The following MSR1 variants were observed in gnomAD, a reference collection of about 807,000 sequenced individuals.
MSR1 encodes macrophage scavenger receptor types I and II.
MSR1 carries 53 observed loss-of-function variants against 47.2 expected under a neutral mutation model. That is an observed-to-expected ratio of 1.12 (90% CI 0.90 to 1.41). MSR1 has a LOEUF of 1.41. MSR1 is among the 40% of genes most tolerant of loss of function. MSR1 has a pLI of 0.00. For missense variants in MSR1, 786 were observed against 546.9 expected (o/e 1.44, Z -4.36); for synonymous variants, 239 against 185.6 (o/e 1.29, Z -2.34).
chr8:16,153,316 C>G (rs1006650473), intron 6 of MSR1, among the ~76,000 whole-genome samples: 1 of 151,966 alleles, frequency 6.6e-6, no homozygotes, highest in African/African-American at 2.4e-5. Context: ...CAGAATGCAG[C>G]AAGACATCCA....
Position 16,110,151 on chromosome 8 carries a change from T to C in MSR1, c.1290A>G (p.Lys430=). 6.2e-7 allele frequency: 1 copy of C among 1,613,682 alleles called. No homozygotes were observed. The highest frequency in any genetic ancestry group is 8.5e-7 in the Non-Finnish European group (1 of 1,179,722). ...AGGCTCTTGTCCCCCATTGCCGAAT[T>C]TTACATTCTTCAATAGATGATTCTC... ...FGRESSIEEC[K]IRQWGTRACS... The change falls in exon 10 of 10, where the codon AAA becomes AAG. Residue 430 remains lysine, a synonymous_variant. Coordinates refer to ENST00000262101, the MANE Select transcript of MSR1 (RefSeq NM_138715.3).
intron 8 of MSR1, among the ~76,000 whole-genome samples, chr8:16,131,447 T>TG (rs963762944): frequency 6.8e-6 from 1 of 146,682 alleles, no homozygotes; most frequent in African/African-American, 2.5e-5. Flanking sequence ...GATAGTTTTT[T>TG]TTTTTTTTTT....
intron 8 of MSR1, 103 bp downstream of exon 8, chr8:16,143,455 T>C: frequency 1.1e-6 from 1 of 935,728 alleles, no homozygotes; most frequent in African/African-American, 1.6e-5. Context: ...TCTGTATGGA[T>C]CTGTGCTGAA....
intron 8 of MSR1, among the ~76,000 whole-genome samples, chr8:16,128,694 C>T (rs1019535206): frequency 3.3e-5 from 5 of 152,092 alleles, no homozygotes; most frequent in African/African-American, 1.2e-4. Flanking sequence ...CTTAAAAATA[C>T]AAGCTGCTTC....
intron 8 of MSR1, chr8:16,121,205 T>C: frequency 2.5e-6 from 1 of 407,838 alleles, no homozygotes; most frequent in African/African-American, 2.1e-5. Context: ...TTTGTGTTTT[T>C]CCTCTTTAGA....
At chr8:16,124,992 G>A (rs1800096531) in intron 8 of MSR1, among the ~76,000 whole-genome samples, 1 of 152,138 alleles carries the variant, frequency 6.6e-6, no homozygotes, top group African/African-American at 2.4e-5. Flanking sequence ...GAAAAATCAT[G>A]AAGGAAAGAT....
intron 3 of MSR1, among the ~76,000 whole-genome samples, chr8:16,174,341 T>G (rs1298287870): frequency 1.3e-5 from 2 of 152,116 alleles, no homozygotes; most frequent in African/African-American, 4.8e-5. Context: ...GGGCAGACAT[T>G]TTATCAGTCA....
At chr8:16,136,162 C>A (rs1800385586) in intron 8 of MSR1, among the ~76,000 whole-genome samples, 1 of 152,100 alleles carries the variant, frequency 6.6e-6, no homozygotes, top group Admixed American at 6.6e-5. Flanking sequence ...TGGGTCAATG[C>A]TATCAAATAG....
At chr8:16,141,980 C>A (rs112772509) in intron 8 of MSR1, among the ~76,000 whole-genome samples, 176 of 152,116 alleles carry the variant, frequency 1.2e-3, no homozygotes, top group African/African-American at 3.3e-3. Context: ...AAGAGGAACT[C>A]AGCTGAAAGT....
At chr8:16,177,395 G>C (rs1044508339) in intron 2 of MSR1, among the ~76,000 whole-genome samples, 10 of 152,016 alleles carry the variant, frequency 6.6e-5, no homozygotes, top group African/African-American at 2.4e-4. Flanking sequence ...GGAACACTAA[G>C]GACTGCCAGT....
chr8:16,175,126 C>T (rs1273681623), intron 3 of MSR1, 61 bp downstream of exon 3: 1 of 1,355,800 alleles, frequency 7.4e-7, no homozygotes, highest in Admixed American at 1.7e-5. Context: ...TTCTTTTTTG[C>T]TTTGGCAATG....
intron 5 of MSR1, among the ~76,000 whole-genome samples, chr8:16,157,253 T>C (rs776319727): frequency 1.3e-5 from 2 of 151,920 alleles, no homozygotes; most frequent in African/African-American, 4.8e-5. Flanking sequence ...AAGTAAGAGA[T>C]GGAAGGAACT....
In MSR1 at chr8:16,143,553, C is replaced by G. The variant is rs767998858; in HGVS notation, c.1033+5G>C. 1 of 1,610,810 alleles carries G rather than the reference C, an allele frequency of 6.2e-7. No homozygotes were observed. The highest frequency in any genetic ancestry group is 1.7e-4 in the Middle Eastern group (1 of 6,044). On this transcript the variant is annotated splice_donor_5th_base_variant and intron_variant, in intron 8 of 9. Transcript: ENST00000262101. Reference sequence around the variant, plus strand: ...CACACAGAAAACAAAATACTATATACTTACTTAATGTGTTTCCACTCCCCT... The same window carrying G: ...CACACAGAAAACAAAATACTATATAGTTACTTAATGTGTTTCCACTCCCCT...
At chr8:16,148,737 G>A (rs925162921) in intron 7 of MSR1, among the ~76,000 whole-genome samples, 1 of 152,112 alleles carries the variant, frequency 6.6e-6, no homozygotes, top group Non-Finnish European at 1.5e-5. Context: ...TACGATTACA[G>A]GTGTGAGCCA....
In MSR1 at chr8:16,164,057, C is replaced by A. The variant is rs777018065; in HGVS notation, c.817+8G>T. The A allele has an allele frequency of 4.4e-6, 7 of 1,598,944 alleles. No homozygotes were observed. The South Asian group carries it at 7.8e-5, about 18-fold the overall frequency. ...ATCATTTTCTGGAGAAATGACAAGA[C>A]ATTTTACCTTGAATTAAAGTGATAT... On this transcript the variant is annotated splice_region_variant and intron_variant, in intron 5 of 9. Coordinates refer to ENST00000262101, the MANE Select transcript of MSR1 (RefSeq NM_138715.3).
rs544978117 is a variant in MSR1, at chr8:16,171,141, T to C, written c.218-2271A>G. ...CGGGAGGCTGAGGCAGGAGAATTGC[T>C]TGAGCCCGGGAGGCGGAGGTTGCAG... On this transcript the variant is annotated intron_variant, in intron 3 of 9. Transcript: ENST00000262101. 9.3e-5 allele frequency among the ~76,000 whole-genome samples: 14 copies of C among 150,604 alleles called. No individual in the cohort carries two copies. The East Asian group carries it at 2.4e-3, about 26-fold the overall frequency.
At chr8:16,142,207 A>G (rs925452177) in intron 8 of MSR1, among the ~76,000 whole-genome samples, 6 of 152,102 alleles carry the variant, frequency 3.9e-5, no homozygotes, top group African/African-American at 1.4e-4. Context: ...ATGTGCCTGT[A>G]ATCCCAGCTA....
intron 5 of MSR1, among the ~76,000 whole-genome samples, chr8:16,163,121 C>A (rs1393533687): frequency 6.6e-6 from 1 of 151,834 alleles, no homozygotes; most frequent in Non-Finnish European, 1.5e-5. Flanking sequence ...AAATATACTA[C>A]AAAGTTTCTG....
Position 16,148,684 on chromosome 8 carries a change from C to G in MSR1, c.979+1547G>C, listed in dbSNP as rs115853296. On this transcript the variant is annotated intron_variant, in intron 7 of 9. Transcript: ENST00000262101. The stretch of plus-strand genomic sequence containing the variant: ...TCTTGAACTGATGACCTCAAGTGAT[C>G]CGCCCACCTCAGTGATCTGCCTGCC... 4.6e-3 allele frequency among the ~76,000 whole-genome samples: 703 copies of G among 152,116 alleles called. 8 individuals are homozygous for G. The highest frequency in any genetic ancestry group is 0.016 in the African/African-American group (678 of 41,484).
Sources: allele counts gnomAD v4.1 joint callset (sites outside exome capture counted in the v4.1 genomes callset), GRCh38; gene constraint gnomAD v4.1.1; transcripts MANE v1.5; gene names NCBI Gene and HGNC (gene_info 2026-07-23, HGNC 2026-07-21).